ROBO1: variants seen among roughly 807,000 people sequenced by gnomAD.
The protein encoded by ROBO1 is roundabout guidance receptor 1, also known as roundabout homolog 1.
In ROBO1, 149 loss-of-function variants were observed where a neutral mutation model predicts 195.9. The ratio of observed to expected loss-of-function variants is 0.76; its 90% CI spans 0.67 to 0.87. ROBO1 has a LOEUF of 0.87. ROBO1 is among the 40% of genes least tolerant of loss of function. ROBO1 has a pLI of 0.00. For missense variants in ROBO1, 1,933 were observed against 2,068.3 expected (o/e 0.93, Z 1.27); for synonymous variants, 816 against 733.2 (o/e 1.11, Z -1.82).
chr3:78,614,073 C>CA lies in ROBO1; in HGVS notation c.4435+574dup, dbSNP rs1344709647. ...ACTTTCATTAAAGGCTTTTTCTAGA[C>CA]AAAATCACACTGTTTGCATTTTCCT... On this transcript the variant is annotated intron_variant, in intron 28 of 30. Transcript: ENST00000464233. 2.6e-5 allele frequency among the ~76,000 whole-genome samples: 4 copies of CA among 152,172 alleles called. No individual in the cohort carries two copies. The South Asian group carries it at 6.2e-4, about 24-fold the overall frequency.
rs138197456 is a variant in ROBO1, at chr3:79,109,755, T to C, written c.172+15701A>G. On this transcript the variant is annotated intron_variant, in intron 3 of 30. Coordinates refer to ENST00000464233, the MANE Select transcript of ROBO1 (RefSeq NM_002941.4). ...GCTACTGAGACGTCAATCTTTAAAA[T>C]TGATTTTGGGGGAATAAAAAGCCCT... Among the ~76,000 whole-genome samples the C allele has an allele frequency of 2.5e-3, 374 of 152,236 alleles. 2 individuals are homozygous for C. The highest frequency in any genetic ancestry group is 0.01 in the Middle Eastern group (3 of 294).
At chr3:79,578,287 A>G (rs1943558587) in intron 2 of ROBO1, among the ~76,000 whole-genome samples, 1 of 152,202 alleles carries the variant, frequency 6.6e-6, no homozygotes, top group Non-Finnish European at 1.5e-5. Context: ...GAAAAATACA[A>G]TAAAACTAAA....
At chr3:79,358,747 T>C (rs1305400630) in intron 2 of ROBO1, among the ~76,000 whole-genome samples, 1 of 152,042 alleles carries the variant, frequency 6.6e-6, no homozygotes, top group Non-Finnish European at 1.5e-5. Flanking sequence ...ACCTCTTTTC[T>C]CAAATTTAAT....
chr3:79,325,617 AAATT>A (rs1164524471), intron 2 of ROBO1, among the ~76,000 whole-genome samples: 1 of 152,190 alleles, frequency 6.6e-6, no homozygotes. Context: ...TTCATTCCCC[AAATT>A]AATACTTTTA....
At chr3:78,822,779 T>A (rs993487038) in intron 4 of ROBO1, among the ~76,000 whole-genome samples, 12 of 152,218 alleles carry the variant, frequency 7.9e-5, no homozygotes, top group African/African-American at 2.9e-4. Context: ...TTGAAAAGCA[T>A]GCAAATATTT....
In ROBO1 at chr3:78,649,209, C is replaced by G. The variant is rs115138341; in HGVS notation, c.2813-1554G>C. Among the ~76,000 whole-genome samples the G allele has an allele frequency of 4.9e-3, 746 of 151,762 alleles. 5 individuals are homozygous for G. The highest frequency in any genetic ancestry group is 0.017 in the African/African-American group (709 of 41,368). On this transcript the variant is annotated intron_variant, in intron 19 of 30. Transcript: ENST00000464233. ...GTGCCTGAACATTAATTTGCAATCA[C>G]AAGGACACCGGGAAAATATGAAAGG...
intron 1 of ROBO1, among the ~76,000 whole-genome samples, chr3:79,687,628 A>G (rs1285158206): frequency 6.6e-6 from 1 of 152,204 alleles, no homozygotes; most frequent in East Asian, 1.9e-4. Flanking sequence ...AATGCTCATC[A>G]TCACTGGCCA....
rs2082288589 is a variant in ROBO1 at position 78,731,618 on chromosome 3, A to T, written c.658-13735T>A. Among the ~76,000 whole-genome samples, 3 of 152,150 alleles carry T rather than the reference A, an allele frequency of 2.0e-5. No homozygotes were observed. The South Asian group carries it at 6.2e-4, about 32-fold the overall frequency. ...GGACATACAGAATTCTTATGATTTCAGTCATCTCTTCTGAAAAAAAATGCT... is the reference window on the plus strand; with the variant it reads ...GGACATACAGAATTCTTATGATTTCTGTCATCTCTTCTGAAAAAAAATGCT... On this transcript the variant is annotated intron_variant, in intron 5 of 30. Coordinates refer to ENST00000464233, the MANE Select transcript of ROBO1 (RefSeq NM_002941.4).
chr3:79,487,327 G>A (rs1466108562), intron 2 of ROBO1, among the ~76,000 whole-genome samples: 1 of 147,830 alleles, frequency 6.8e-6, no homozygotes, highest in African/African-American at 2.6e-5. Context: ...TTGGTTGAAT[G>A]GATATTATAG....
intron 3 of ROBO1, among the ~76,000 whole-genome samples, chr3:79,081,545 A>G (rs1054472022): frequency 1.3e-5 from 2 of 152,166 alleles, no homozygotes; most frequent in African/African-American, 4.8e-5. Flanking sequence ...GGGGATTCTA[A>G]CAGTTTTAAT....
At chr3:79,300,266 A>G (rs1167169197) in intron 2 of ROBO1, among the ~76,000 whole-genome samples, 2 of 152,196 alleles carry the variant, frequency 1.3e-5, no homozygotes, top group African/African-American at 4.8e-5. Context: ...CTTGCGGGCC[A>G]GCTGGAGTTC....
Position 79,038,915 on chromosome 3 carries a change from G to A in ROBO1, c.172+86541C>T, listed in dbSNP as rs181791824. Among the ~76,000 whole-genome samples the A allele has an allele frequency of 1.7e-3, 262 of 152,176 alleles. 3 individuals carry two copies. The highest frequency in any genetic ancestry group is 6.1e-3 in the African/African-American group (252 of 41,526). On this transcript the variant is annotated intron_variant, in intron 3 of 30. Transcript: ENST00000464233. ...GAGCAGAAAAGGCTGTATTCTCTAAGACCTGAATAAACACACACAGCAGCC... is the reference window on the plus strand; with the variant it reads ...GAGCAGAAAAGGCTGTATTCTCTAAAACCTGAATAAACACACACAGCAGCC...
chr3:79,079,330 A>G (rs1394458731), intron 3 of ROBO1, among the ~76,000 whole-genome samples: 1 of 151,874 alleles, frequency 6.6e-6, no homozygotes, highest in African/African-American at 2.4e-5. Flanking sequence ...TGAATAGACT[A>G]TGTAGACATA....
At chr3:79,732,324 T>C (rs1483196561) in intron 1 of ROBO1, among the ~76,000 whole-genome samples, 1 of 151,950 alleles carries the variant, frequency 6.6e-6, no homozygotes, top group African/African-American at 2.4e-5. Context: ...ACATCATATA[T>C]ATCACATATA....
At chr3:78,893,731 C>CT (rs35883952) in intron 4 of ROBO1, among the ~76,000 whole-genome samples, 4 of 151,998 alleles carry the variant, frequency 2.6e-5, no homozygotes, top group Middle Eastern at 3.4e-3. Context: ...AAAATGATGG[C>CT]TTTTTTTCGA....
At chr3:79,446,862 C>T (rs2039275916) in intron 2 of ROBO1, among the ~76,000 whole-genome samples, 1 of 152,170 alleles carries the variant, frequency 6.6e-6, no homozygotes, top group Non-Finnish European at 1.5e-5. Flanking sequence ...CTTCCTCTGT[C>T]ACCTAGGCTG....
intron 2 of ROBO1, among the ~76,000 whole-genome samples, chr3:79,160,040 T>C (rs569729793): frequency 1.3e-5 from 2 of 152,190 alleles, no homozygotes; most frequent in African/African-American, 4.8e-5. Flanking sequence ...CCTGAGGACA[T>C]ATTTTAGTTC....
At chr3:79,553,137 A>G (rs1205584645) in intron 2 of ROBO1, among the ~76,000 whole-genome samples, 1 of 152,066 alleles carries the variant, frequency 6.6e-6, no homozygotes, top group Non-Finnish European at 1.5e-5. Context: ...ATTTGCATGC[A>G]TTCAAGATCA....
intron 3 of ROBO1, among the ~76,000 whole-genome samples, chr3:79,043,171 T>C (rs1440205266): frequency 6.6e-6 from 1 of 152,116 alleles, no homozygotes; most frequent in Non-Finnish European, 1.5e-5. Flanking sequence ...CATCAAATGT[T>C]TCTAAGAAAC....
Sources: gnomAD v4.1 joint callset for allele counts (sites outside exome capture counted in the v4.1 genomes callset) on GRCh38, gnomAD v4.1.1 for gene constraint, MANE v1.5 for transcripts, NCBI Gene and HGNC (gene_info 2026-07-23, HGNC 2026-07-21) for gene names.